NTM: variants seen among roughly 807,000 people sequenced by gnomAD.
The protein encoded by NTM is neurotrimin, also known as IgLON family member 2.
In NTM, 13 loss-of-function variants were observed where a neutral mutation model predicts 42.1. The observed-to-expected ratio is 0.31, with a 90% confidence interval of 0.20 to 0.49. The LOEUF is 0.49. Ranked by LOEUF, NTM falls within the 20% of genes least tolerant of loss-of-function variation. The probability of loss-of-function intolerance (pLI) is 0.99; values close to 1 mark genes in which losing one functional copy is unlikely to be tolerated. For missense variants in NTM, 373 were observed against 452.8 expected (o/e 0.82, Z 1.60); for synonymous variants, 187 against 179.2 (o/e 1.04, Z -0.35).
chr11:132,120,055 G>T (rs2136912136), intron 2 of NTM, among the ~76,000 whole-genome samples: 1 of 152,286 alleles, frequency 6.6e-6, no homozygotes, highest in South Asian at 2.1e-4. Flanking sequence ...CGCGAATCAG[G>T]ACCCCCGTCT....
At chr11:131,741,210 GT>G (rs1192785546) in intron 1 of NTM, among the ~76,000 whole-genome samples, 14 of 134,634 alleles carry the variant, frequency 1.0e-4, no homozygotes, top group African/African-American at 3.7e-4. Flanking sequence ...AGAGAGAGAT[GT>G]TTTTTGGAGC....
At chr11:131,571,543 G>A (rs548056278) in intron 1 of NTM, among the ~76,000 whole-genome samples, 1 of 152,310 alleles carries the variant, frequency 6.6e-6, no homozygotes, top group Non-Finnish European at 1.5e-5. Flanking sequence ...TCCATTATTA[G>A]TTATTGGGGG....
At chr11:131,975,527 A>T (rs1335861191) in intron 2 of NTM, among the ~76,000 whole-genome samples, 1 of 150,404 alleles carries the variant, frequency 6.6e-6, no homozygotes, top group Non-Finnish European at 1.5e-5. Flanking sequence ...ATAAGCCTTA[A>T]AATGTTAGGG....
At chr11:132,272,609 T>G (rs989154738) in intron 4 of NTM, among the ~76,000 whole-genome samples, 1 of 152,174 alleles carries the variant, frequency 6.6e-6, no homozygotes, top group Non-Finnish European at 1.5e-5. Flanking sequence ...AATTTATTGC[T>G]AAGCATTTTA....
chr11:131,427,901 C>A (rs761546445), intron 1 of NTM, among the ~76,000 whole-genome samples: 4 of 152,200 alleles, frequency 2.6e-5, no homozygotes, highest in Non-Finnish European at 5.9e-5. Context: ...TGCTTTTCTT[C>A]TTTTCTCTGA....
In NTM at chr11:132,146,173, T is replaced by TG. The variant is rs1257998798; in HGVS notation, c.168-104dup. On this transcript the variant is annotated intron_variant, in intron 2 of 8. Transcript: ENST00000683400. The surrounding 1 kb of genome is among the most constrained non-coding windows in gnomAD (Gnocchi z 4.5). Reference sequence around the variant, plus strand: ...GACAAATCAAAGGAAATGTATGTGTTGGGGGAAGGGAGAAAGACAAGATAT... The same window carrying TG: ...GACAAATCAAAGGAAATGTATGTGTTGGGGGGAAGGGAGAAAGACAAGATAT... 2 of 1,476,582 alleles carry TG rather than the reference T, an allele frequency of 1.4e-6. No homozygotes were observed. Among genetic ancestry groups the TG allele is most frequent in the East Asian group, 4.9e-5 (2 of 40,830 alleles). The allele number at this position is 1,476,582 out of a possible 1,614,324, so 91.5% of individuals were successfully genotyped here. A position where few individuals can be genotyped will look rare whatever the true frequency, so the allele number is the denominator to read the frequency against.
chr11:131,900,298 G>GGAA (rs1266890397), intron 1 of NTM, among the ~76,000 whole-genome samples: 15 of 152,350 alleles, frequency 9.8e-5, no homozygotes, highest in Admixed American at 3.3e-4. Context: ...GCTCCAAAAG[G>GGAA]GAAGAAGAAG....
At chr11:132,064,335 G>A (rs1458228593) in intron 2 of NTM, among the ~76,000 whole-genome samples, 1 of 152,070 alleles carries the variant, frequency 6.6e-6, no homozygotes, top group Non-Finnish European at 1.5e-5. Context: ...CCTAACAACT[G>A]CAATTTAGCA....
chr11:132,157,673 T>C (rs2073475534), intron 3 of NTM, among the ~76,000 whole-genome samples: 1 of 151,964 alleles, frequency 6.6e-6, no homozygotes, highest in African/African-American at 2.4e-5. Flanking sequence ...GTATTTGTGT[T>C]TTTTCTCCAC....
intron 1 of NTM, among the ~76,000 whole-genome samples, chr11:131,552,504 C>CAAAA (rs36101549): frequency 1.4e-5 from 1 of 73,120 alleles, no homozygotes; most frequent in African/African-American, 4.4e-5. Context: ...GACTCCGTCT[C>CAAAA]AAAAAAAAAA....
intron 2 of NTM, among the ~76,000 whole-genome samples, chr11:132,047,244 A>T (rs2078152036): frequency 6.6e-6 from 1 of 152,256 alleles, no homozygotes; most frequent in Non-Finnish European, 1.5e-5. Flanking sequence ...AGGGAAGTTT[A>T]TCCTTTTAAC....
chr11:131,541,859 C>T (rs1334525572), intron 1 of NTM, among the ~76,000 whole-genome samples: 5 of 152,238 alleles, frequency 3.3e-5, no homozygotes, highest in African/African-American at 4.8e-5. Context: ...CCTCTCTCCC[C>T]TACTTCCTCC....
intron 1 of NTM, among the ~76,000 whole-genome samples, chr11:131,481,875 A>T (rs900138342): frequency 1.3e-5 from 2 of 152,204 alleles, no homozygotes; most frequent in Admixed American, 1.3e-4. Context: ...TATAGAAGAC[A>T]TTGCCTTTGT....
At chr11:131,697,133 A>C (rs2135119104) in intron 1 of NTM, among the ~76,000 whole-genome samples, 1 of 152,340 alleles carries the variant, frequency 6.6e-6, no homozygotes, top group South Asian at 2.1e-4. Context: ...TTAATTTCTC[A>C]GATTTCCTTT....
intron 7 of NTM, among the ~76,000 whole-genome samples, chr11:132,324,420 C>T (rs2095636143): frequency 6.7e-6 from 1 of 149,688 alleles, no homozygotes; most frequent in African/African-American, 2.4e-5. Context: ...CTCCCATTCA[C>T]AATTGCTTGA....
chr11:131,617,903 C>T (rs1461463585), intron 1 of NTM, among the ~76,000 whole-genome samples: 1 of 152,078 alleles, frequency 6.6e-6, no homozygotes, highest in Non-Finnish European at 1.5e-5. Context: ...GGCGAGCCAC[C>T]CAGTGTGCCG....
At chr11:132,246,493 C>T (rs1346691260) in intron 4 of NTM, among the ~76,000 whole-genome samples, 1 of 152,226 alleles carries the variant, frequency 6.6e-6, no homozygotes, top group Non-Finnish European at 1.5e-5. Context: ...AGAACAAAAC[C>T]CTTTTATTCC....
At chr11:132,081,715 C>A (rs1430215883) in intron 2 of NTM, among the ~76,000 whole-genome samples, 1 of 147,250 alleles carries the variant, frequency 6.8e-6, no homozygotes. Flanking sequence ...TAGAGCGAGA[C>A]TCCATCTAAA....
chr11:131,494,464 A>C (rs1405322798), intron 1 of NTM, among the ~76,000 whole-genome samples: 1 of 152,232 alleles, frequency 6.6e-6, no homozygotes, highest in Non-Finnish European at 1.5e-5. Flanking sequence ...AATATGGTGA[A>C]GTTAGCCAGG....
Sources: allele counts gnomAD v4.1 joint callset (sites outside exome capture counted in the v4.1 genomes callset), GRCh38; gene constraint gnomAD v4.1.1; non-coding constraint Gnocchi (gnomAD v3.1); transcripts MANE v1.5; gene names NCBI Gene and HGNC (gene_info 2026-07-23, HGNC 2026-07-21).